The following TMC1 variants were observed in gnomAD, a reference collection of about 807,000 sequenced individuals.
TMC1 encodes transmembrane channel like 1, also known as transmembrane channel-like protein 1.
A neutral mutation model predicts 105.8 loss-of-function variants in TMC1; 84 were observed. The observed-to-expected ratio is 0.79, with a 90% CI of 0.67 to 0.95. TMC1 has a LOEUF of 0.95. Ranked by LOEUF, TMC1 falls within the 40% of genes least tolerant of loss-of-function variation. TMC1 has a pLI of 0.00. For missense variants in TMC1, 817 were observed against 914.1 expected, an observed-to-expected ratio of 0.89 and a Z score of 1.37; for synonymous variants, 315 against 311.5, an observed-to-expected ratio of 1.01 and a Z score of -0.12.
At chr9:72,787,426 A>G (rs1828184485) in intron 13 of TMC1, among the ~76,000 whole-genome samples, 1 of 152,146 alleles carries the variant, frequency 6.6e-6, no homozygotes. Flanking sequence ...TGTCAGCTTT[A>G]TGTCATTGTG....
intron 7 of TMC1, 134 bp downstream of exon 7, chr9:72,694,848 AT>A (rs1826522579): frequency 1.3e-6 from 1 of 757,380 alleles, no homozygotes; most frequent in Non-Finnish European, 2.1e-6. Context: ...ATGCTATTTT[AT>A]TCTACTTAAT....
At chr9:72,526,647 G>C (rs1393811309) in intron 1 of TMC1, among the ~76,000 whole-genome samples, 1 of 152,184 alleles carries the variant, frequency 6.6e-6, no homozygotes, top group Admixed American at 6.5e-5. Flanking sequence ...TAAAACCCCT[G>C]TGACTTTAAA....
chr9:72,599,785 G>C (rs1346667970), intron 2 of TMC1, among the ~76,000 whole-genome samples: 1 of 151,058 alleles, frequency 6.6e-6, no homozygotes, highest in Admixed American at 6.6e-5. Context: ...ACTCCAGCCT[G>C]GGCGACAAGA....
At chr9:72,579,956 G>C (rs1824447860) in intron 2 of TMC1, among the ~76,000 whole-genome samples, 1 of 152,008 alleles carries the variant, frequency 6.6e-6, no homozygotes, top group African/African-American at 2.4e-5. Flanking sequence ...AAAGAATGAG[G>C]AAAACAAGAT....
chr9:72,575,869 T>C (rs13292261), intron 1 of TMC1, among the ~76,000 whole-genome samples: 68,353 of 151,912 alleles, frequency 0.45, 17,434 homozygotes, highest in African/African-American at 0.7. Flanking sequence ...TCTGATTGGT[T>C]CCTATGAGTC....
At chr9:72,614,298 T>C (rs1374250432) in intron 2 of TMC1, among the ~76,000 whole-genome samples, 1 of 152,178 alleles carries the variant, frequency 6.6e-6, no homozygotes, top group African/African-American at 2.4e-5. Flanking sequence ...GATGCTTAAC[T>C]TTTGGAAATC....
chr9:72,685,170 T>G (rs751739974), intron 5 of TMC1, among the ~76,000 whole-genome samples: 10 of 141,942 alleles, frequency 7.0e-5, no homozygotes, highest in Admixed American at 2.9e-4. Flanking sequence ...GCAGTGGCGC[T>G]ATCTCAGCTC....
intron 1 of TMC1, among the ~76,000 whole-genome samples, chr9:72,562,627 C>A (rs1201606607): frequency 6.6e-6 from 1 of 152,174 alleles, no homozygotes; most frequent in Admixed American, 6.5e-5. Context: ...GATATAACCT[C>A]ATCTCTCAGA....
At chr9:72,625,669 C>T (rs1234671903) in intron 3 of TMC1, among the ~76,000 whole-genome samples, 1 of 132,132 alleles carries the variant, frequency 7.6e-6, no homozygotes. Flanking sequence ...GCCTGGGTGA[C>T]AGAGCGAGAC....
chr9:72,529,647 G>A (rs543703419), intron 1 of TMC1, among the ~76,000 whole-genome samples: 1 of 151,682 alleles, frequency 6.6e-6, no homozygotes, highest in Admixed American at 6.6e-5. Flanking sequence ...ATCCACTCAA[G>A]TGTGCTTTCT....
chr9:72,720,224 G>A (rs759729521), intron 8 of TMC1, among the ~76,000 whole-genome samples: 12 of 152,170 alleles, frequency 7.9e-5, no homozygotes, highest in Non-Finnish European at 1.8e-4. Context: ...AGCTTGTTGT[G>A]TGGAAACTTA....
chr9:72,786,157 T>C (rs1455605865), intron 13 of TMC1, among the ~76,000 whole-genome samples: 6 of 152,162 alleles, frequency 3.9e-5, no homozygotes, highest in Admixed American at 3.9e-4. Flanking sequence ...TATAAAAACC[T>C]TAGGCAGGCC....
At chr9:72,631,383 G>A (rs573376150) in intron 4 of TMC1, among the ~76,000 whole-genome samples, 197 of 152,162 alleles carry the variant, frequency 1.3e-3, no homozygotes, top group African/African-American at 4.3e-3. Flanking sequence ...TGCGTAATTC[G>A]TTTTAAAAAT....
At chr9:72,548,170 CTGAT>C (rs1823803141) in intron 1 of TMC1, among the ~76,000 whole-genome samples, 1 of 152,100 alleles carries the variant, frequency 6.6e-6, no homozygotes, top group South Asian at 2.1e-4. Flanking sequence ...GTGTTGGGAA[CTGAT>C]TGATAAATTG....
chr9:72,543,403 G>A (rs1823709843), intron 1 of TMC1, among the ~76,000 whole-genome samples: 1 of 152,066 alleles, frequency 6.6e-6, no homozygotes, highest in Admixed American at 6.6e-5. Context: ...TAGATTATTG[G>A]AATAACCTTC....
At chr9:72,763,784 AT>A (rs5898270) in intron 12 of TMC1, among the ~76,000 whole-genome samples, 26,721 of 147,772 alleles carry the variant, frequency 0.18, 2,441 homozygotes, top group Non-Finnish European at 0.2. Context: ...TGCACTAATT[AT>A]TTTTTTTTTT....
chr9:72,687,315 A>G (rs1242461563), intron 5 of TMC1, among the ~76,000 whole-genome samples: 1 of 152,162 alleles, frequency 6.6e-6, no homozygotes, highest in African/African-American at 2.4e-5. Flanking sequence ...TTAATCTTAT[A>G]TCATTAAAAT....
chr9:72,732,252 A>T (rs1827223352), intron 8 of TMC1, among the ~76,000 whole-genome samples: 1 of 152,208 alleles, frequency 6.6e-6, no homozygotes, highest in African/African-American at 2.4e-5. Flanking sequence ...TTGTATCATC[A>T]ACATTTGCTA....
At chr9:72,806,217 A>G (rs1405391556) in intron 18 of TMC1, among the ~76,000 whole-genome samples, 41 of 106,592 alleles carry the variant, frequency 3.8e-4, no homozygotes, top group Non-Finnish European at 4.6e-4. Flanking sequence ...CTGGCCGGGC[A>G]GGGGGCTGAC....
Sources: allele counts gnomAD v4.1 joint callset (sites outside exome capture counted in the v4.1 genomes callset), GRCh38; gene constraint gnomAD v4.1.1; transcripts MANE v1.5; gene names NCBI Gene and HGNC (gene_info 2026-07-23, HGNC 2026-07-21).